The following ESR2 variants were observed in gnomAD, a reference collection of about 807,000 sequenced individuals.
The protein encoded by ESR2 is estrogen receptor 2.
In ESR2, 36 loss-of-function variants were observed where a neutral mutation model predicts 49.6. The ratio of observed to expected loss-of-function variants is 0.73; its 90% CI spans 0.56 to 0.96. ESR2 has a LOEUF of 0.96. Ranked by LOEUF, ESR2 falls within the 40% of genes least tolerant of loss-of-function variation. The pLI is 0.00. For missense variants in ESR2, 714 were observed against 693.0 expected (o/e 1.03, Z -0.34); for synonymous variants, 320 against 266.1 (o/e 1.20, Z -1.97).
intron 7 of ESR2, among the ~76,000 whole-genome samples, chr14:64,235,616 G>A (rs1447026786): frequency 1.3e-5 from 2 of 152,194 alleles, no homozygotes; most frequent in Admixed American, 1.3e-4. Flanking sequence ...TGTGTACCAC[G>A]TGCCGCAGCC....
At chr14:64,302,919 C>T (rs1051337539) in intron 1 of ESR2, among the ~76,000 whole-genome samples, 2 of 152,194 alleles carry the variant, frequency 1.3e-5, no homozygotes, top group African/African-American at 4.8e-5. Context: ...CTGCCTCAGC[C>T]TCCCGAGTAG....
At chr14:64,328,144 C>T (rs1451279501) in intron 1 of ESR2, among the ~76,000 whole-genome samples, 1 of 151,858 alleles carries the variant, frequency 6.6e-6, no homozygotes, top group African/African-American at 2.4e-5. Flanking sequence ...ATCACTTGAA[C>T]CTGGGAGGTG....
chr14:64,309,607 C>A (rs868376438), intron 1 of ESR2, among the ~76,000 whole-genome samples: 73 of 125,874 alleles, frequency 5.8e-4, no homozygotes, highest in African/African-American at 1.1e-3. Flanking sequence ...AACTCCATCT[C>A]AAAAAAAAAA....
upstream of ESR2, among the ~76,000 whole-genome samples, chr14:64,294,969 G>A (rs1301863305): frequency 1.3e-5 from 2 of 152,220 alleles, no homozygotes; most frequent in Non-Finnish European, 2.9e-5. Flanking sequence ...TCCGGCCACG[G>A]CGCCCTTCTC....
chr14:64,241,966 TG>T (rs2075737359), intron 7 of ESR2, among the ~76,000 whole-genome samples: 1 of 152,224 alleles, frequency 6.6e-6, no homozygotes. Context: ...ATACTTGCCT[TG>T]TTCCTGATTG....
At chr14:64,270,936 C>G (rs1424110338) in intron 3 of ESR2, among the ~76,000 whole-genome samples, 1 of 152,188 alleles carries the variant, frequency 6.6e-6, no homozygotes, top group Non-Finnish European at 1.5e-5. Context: ...GCAGCATTGT[C>G]CATTATAATG....
In ESR2 at chr14:64,229,244, A is replaced by AC. The variant is rs1489407883; in HGVS notation, c.*3892dup. ...TACAGCAGAAGACAACCCTAACTTC[A>AC]CCGCCCCTCCATTCTGCTGCGACTC... On this transcript the variant is annotated 3_prime_UTR_variant, in exon 9 of 9. Coordinates refer to ENST00000341099, the MANE Select transcript of ESR2 (RefSeq NM_001437.3). 6.6e-6 allele frequency among the ~76,000 whole-genome samples: 1 copy of AC among 151,996 alleles called. No homozygotes were observed. Among genetic ancestry groups the AC allele is most frequent in the Non-Finnish European group, 1.5e-5 (1 of 68,000 alleles).
intron 4 of ESR2, among the ~76,000 whole-genome samples, chr14:64,267,824 T>C (rs1446131705): frequency 4.1e-5 from 6 of 146,758 alleles, no homozygotes; most frequent in African/African-American, 1.0e-4. Context: ...GCAGAGCTTG[T>C]AGTGGGCTGA....
At chr14:64,243,757 C>T (rs554758201) in intron 7 of ESR2, among the ~76,000 whole-genome samples, 1 of 152,130 alleles carries the variant, frequency 6.6e-6, no homozygotes, top group Non-Finnish European at 1.5e-5. Flanking sequence ...TGTTCCTGGC[C>T]CTGTGTGAAC....
At chr14:64,268,971 C>T (rs2076386412) in intron 3 of ESR2, 60 bp from the exon 4 acceptor site, 2 of 969,776 alleles carry the variant, frequency 2.1e-6, no homozygotes, top group African/African-American at 1.6e-5. Flanking sequence ...TAAATCTCTT[C>T]CTGGTCAACA....
chr14:64,286,785 G>T (rs1047602361), intron 1 of ESR2, among the ~76,000 whole-genome samples: 2 of 151,424 alleles, frequency 1.3e-5, no homozygotes, highest in African/African-American at 4.9e-5. Context: ...GTGTGATCTC[G>T]GCTCATTGCA....
At chr14:64,327,578 C>G (rs1345994731) in intron 1 of ESR2, among the ~76,000 whole-genome samples, 1 of 152,096 alleles carries the variant, frequency 6.6e-6, no homozygotes, top group Non-Finnish European at 1.5e-5. Context: ...CTCCTGTAAT[C>G]CCAGCTACTC....
At chr14:64,321,768 A>G (rs1183092697) in intron 1 of ESR2, among the ~76,000 whole-genome samples, 1 of 152,204 alleles carries the variant, frequency 6.6e-6, no homozygotes, top group Non-Finnish European at 1.5e-5. Flanking sequence ...AGCAACATAG[A>G]TGGAACTGGC....
At chr14:64,235,628 G>C (rs1271119406) in intron 7 of ESR2, among the ~76,000 whole-genome samples, 1 of 152,222 alleles carries the variant, frequency 6.6e-6, no homozygotes, top group Admixed American at 6.5e-5. Flanking sequence ...GCCGCAGCCA[G>C]CCATGGCAGG....
At chr14:64,284,912 C>T (rs1177093082) in intron 1 of ESR2, among the ~76,000 whole-genome samples, 7 of 151,034 alleles carry the variant, frequency 4.6e-5, no homozygotes, top group Admixed American at 2.6e-4. Flanking sequence ...TGCAGTGGCG[C>T]AATCTCGGCT....
intron 1 of ESR2, among the ~76,000 whole-genome samples, chr14:64,300,123 C>T (rs1275458598): frequency 6.6e-6 from 1 of 152,160 alleles, no homozygotes; most frequent in East Asian, 1.9e-4. Context: ...CTTGCATGGC[C>T]ACATCATGCT....
In ESR2 at chr14:64,249,661, T is replaced by C; in HGVS notation, c.1110A>G (p.Val370=). The stretch of plus-strand genomic sequence containing the variant: ...TGTCAAAGATTTCCAGAATTCCTTC[T>C]ACGCATTTCCCCTCATCCCTACAAA... ...LVLDRDEGKC[V]EGILEIFDML... is the part of the protein sequence containing the mutation. The change falls in exon 7 of 9, where the codon GTA becomes GTG. Residue 370 remains valine (V), a synonymous_variant. Transcript: ENST00000341099. 6.2e-7 allele frequency: 1 copy of C among 1,613,838 alleles called. No homozygotes were observed. The highest frequency in any genetic ancestry group is 8.5e-7 in the Non-Finnish European group (1 of 1,179,890).
At chr14:64,268,560 A>G (rs941002434) in intron 4 of ESR2, among the ~76,000 whole-genome samples, 1 of 152,140 alleles carries the variant, frequency 6.6e-6, no homozygotes, top group Non-Finnish European at 1.5e-5. Flanking sequence ...AACTCTAGAA[A>G]GCTCTTCTCT....
chr14:64,243,458 C>T (rs1596378058), intron 7 of ESR2, among the ~76,000 whole-genome samples: 1 of 152,276 alleles, frequency 6.6e-6, no homozygotes, highest in South Asian at 2.1e-4. Flanking sequence ...GCAGCATTGC[C>T]ACAAACCTTC....
Sources: gnomAD v4.1 joint callset for allele counts (sites outside exome capture counted in the v4.1 genomes callset) on GRCh38, gnomAD v4.1.1 for gene constraint, MANE v1.5 for transcripts, NCBI Gene and HGNC (gene_info 2026-07-23, HGNC 2026-07-21) for gene names.